The following KCNH7 variants were observed in gnomAD, a reference collection of about 807,000 sequenced individuals.
KCNH7 encodes potassium voltage-gated channel subfamily H member 7.
KCNH7 carries 49 observed loss-of-function variants against 120.8 expected under a neutral mutation model. The observed-to-expected ratio is 0.41, with a 90% confidence interval of 0.32 to 0.51. The LOEUF (loss-of-function observed/expected upper bound fraction) is 0.51, where lower values mean the gene tolerates loss of function less well. KCNH7 is among the 20% of genes least tolerant of loss of function. The probability of loss-of-function intolerance (pLI) is 0.38; values close to 1 mark genes in which losing one functional copy is unlikely to be tolerated. For synonymous variants in KCNH7, 547 were observed against 516.1 expected, an observed-to-expected ratio of 1.06 and a Z score of -0.81; for missense variants, 1,097 against 1,446.6, an observed-to-expected ratio of 0.76 and a Z score of 3.92.
rs142335968 is a variant in KCNH7 at position 162,708,762 on chromosome 2, T to A, written c.307+127775A>T. ...CATCTGTAAAGGAATCAACATTACA[T>A]ACACACCCTGTCATCCTGGAGAAAG... On this transcript the variant is annotated intron_variant, in intron 2 of 15. Coordinates refer to ENST00000332142, the MANE Select transcript of KCNH7 (RefSeq NM_033272.4). Among the ~76,000 whole-genome samples, 7 of 152,210 alleles carry A rather than the reference T, an allele frequency of 4.6e-5. No individual in the cohort carries two copies. In the East Asian group the frequency reaches 7.7e-4, roughly 17 times the overall value.
At chr2:162,476,533 G>T (rs891737192) in intron 6 of KCNH7, among the ~76,000 whole-genome samples, 3 of 152,068 alleles carry the variant, frequency 2.0e-5, no homozygotes, top group African/African-American at 7.2e-5. Flanking sequence ...TGAAACTAAT[G>T]AAATTTTCTT....
chr2:162,626,596 A>G (rs1181494368), intron 2 of KCNH7, among the ~76,000 whole-genome samples: 1 of 152,208 alleles, frequency 6.6e-6, no homozygotes, highest in African/African-American at 2.4e-5. Flanking sequence ...GCTGTAACAA[A>G]ACAAATTCAG....
At chr2:162,620,161 TAGAG>T (rs200537689) in intron 2 of KCNH7, among the ~76,000 whole-genome samples, 1 of 149,330 alleles carries the variant, frequency 6.7e-6, no homozygotes, top group Non-Finnish European at 1.5e-5. Flanking sequence ...GATATATATA[TAGAG>T]AGAGAGATAG....
intron 12 of KCNH7, among the ~76,000 whole-genome samples, chr2:162,389,156 G>A (rs1433533495): frequency 6.6e-6 from 1 of 151,650 alleles, no homozygotes; most frequent in Non-Finnish European, 1.5e-5. Context: ...TTTTTGTTTT[G>A]TTTTGTTTTT....
intron 2 of KCNH7, among the ~76,000 whole-genome samples, chr2:162,582,616 G>C (rs1001079485): frequency 6.6e-6 from 1 of 152,040 alleles, no homozygotes; most frequent in African/African-American, 2.4e-5. Context: ...TTGTCCCTGG[G>C]CTTGCCCTAT....
intron 12 of KCNH7, among the ~76,000 whole-genome samples, chr2:162,390,819 T>C (rs1294306796): frequency 6.6e-6 from 1 of 151,998 alleles, no homozygotes; most frequent in Non-Finnish European, 1.5e-5. Context: ...GTATAGCTCA[T>C]GAGAACAAGC....
intron 2 of KCNH7, among the ~76,000 whole-genome samples, chr2:162,707,808 C>A (rs1260084924): frequency 6.6e-6 from 1 of 152,116 alleles, no homozygotes; most frequent in African/African-American, 2.4e-5. Context: ...TCAGTTCTGG[C>A]CAGACTGACC....
intron 2 of KCNH7, among the ~76,000 whole-genome samples, chr2:162,789,002 A>T (rs1683819853): frequency 6.6e-6 from 1 of 151,336 alleles, no homozygotes; most frequent in Non-Finnish European, 1.5e-5. Context: ...AAAAAAAAAA[A>T]AAAAAAAAAA....
chr2:162,530,455 TGTGCGCGAGCGTG>T (rs1691876280), intron 3 of KCNH7, among the ~76,000 whole-genome samples: 2 of 150,644 alleles, frequency 1.3e-5, no homozygotes, highest in Admixed American at 6.7e-5. Context: ...GACACGCTAG[TGTGCGCGAGCGTG>T]CGCGCACACA....
chr2:162,674,823 A>G (rs2105302658), intron 2 of KCNH7, among the ~76,000 whole-genome samples: 1 of 151,774 alleles, frequency 6.6e-6, no homozygotes, highest in Admixed American at 6.6e-5. Flanking sequence ...TAGATTAAAG[A>G]TCACACATGA....
At chr2:162,653,857 C>G (rs1405137485) in intron 2 of KCNH7, among the ~76,000 whole-genome samples, 1 of 152,102 alleles carries the variant, frequency 6.6e-6, no homozygotes, top group Non-Finnish European at 1.5e-5. Context: ...CATTTATGGT[C>G]AATTGGCACA....
intron 14 of KCNH7, among the ~76,000 whole-genome samples, chr2:162,378,323 A>G (rs1293462269): frequency 6.6e-6 from 1 of 152,220 alleles, no homozygotes; most frequent in African/African-American, 2.4e-5. Flanking sequence ...CAGACTTAAG[A>G]CCTTTTCCTA....
chr2:162,448,533 G>A (rs568385294), intron 6 of KCNH7, among the ~76,000 whole-genome samples: 13 of 152,122 alleles, frequency 8.5e-5, no homozygotes, highest in East Asian at 1.9e-4. Context: ...TAAAAAAGGC[G>A]TGTAGTCAAT....
At chr2:162,730,966 T>C (rs759187165) in intron 2 of KCNH7, among the ~76,000 whole-genome samples, 21 of 151,992 alleles carry the variant, frequency 1.4e-4, no homozygotes, top group Non-Finnish European at 2.1e-4. Context: ...AGTGAATTAT[T>C]GACCTAATAT....
chr2:162,469,839 T>C (rs1338248311), intron 6 of KCNH7, among the ~76,000 whole-genome samples: 1 of 152,142 alleles, frequency 6.6e-6, no homozygotes, highest in Non-Finnish European at 1.5e-5. Context: ...ACCGAGTGCC[T>C]GCGATTGCAG....
At chr2:162,793,490 A>T (rs927396393) in intron 2 of KCNH7, among the ~76,000 whole-genome samples, 1 of 152,078 alleles carries the variant, frequency 6.6e-6, no homozygotes. Flanking sequence ...TTCATTTTAT[A>T]ATAACATAAA....
chr2:162,797,753 G>C (rs1479320847), intron 2 of KCNH7: 3 of 152,038 alleles, frequency 2.0e-5, no homozygotes, highest in Non-Finnish European at 4.4e-5. Flanking sequence ...TAAGCCAGAA[G>C]CAAGTTCTCC....
chr2:162,806,229 A>T (rs957994504), intron 2 of KCNH7, among the ~76,000 whole-genome samples: 30 of 152,168 alleles, frequency 2.0e-4, no homozygotes, highest in African/African-American at 7.2e-4. Context: ...CTCAAAAGCT[A>T]TCGAAATTTT....
intron 13 of KCNH7, among the ~76,000 whole-genome samples, chr2:162,383,490 C>T (rs559657445): frequency 1.3e-5 from 2 of 151,914 alleles, no homozygotes; most frequent in African/African-American, 2.4e-5. Context: ...GTGGGTGCTA[C>T]AAGACAGGAA....
Sources: allele counts gnomAD v4.1 joint callset (sites outside exome capture counted in the v4.1 genomes callset), GRCh38; gene constraint gnomAD v4.1.1; transcripts MANE v1.5; gene names NCBI Gene and HGNC (gene_info 2026-07-23, HGNC 2026-07-21).